Variants in ELP4 observed in about 807,000 individuals in gnomAD.
The protein encoded by ELP4 is elongator acetyltransferase complex subunit 4, also known as elongator complex protein 4.
ELP4 carries 51 observed loss-of-function variants against 48.9 expected under a neutral mutation model. That is an observed-to-expected ratio of 1.04 (90% CI 0.83 to 1.32). ELP4 has a LOEUF of 1.32. Ranked by LOEUF, ELP4 falls within the 40% of genes most tolerant of loss-of-function variation. The pLI, the probability that ELP4 is intolerant of heterozygous loss-of-function variation, is 0.00. For missense variants in ELP4, 519 were observed against 514.6 expected (o/e 1.01, Z -0.08); for synonymous variants, 210 against 189.2 (o/e 1.11, Z -0.90).
intron 9 of ELP4, among the ~76,000 whole-genome samples, chr11:31,695,817 A>G (rs181941885): frequency 0.92 from 100,815 of 109,420 alleles, 47,182 homozygotes; most frequent in Non-Finnish European, 1. Flanking sequence ...TTGGTTGGTA[A>G]GCTATTGATT....
intron 7 of ELP4, among the ~76,000 whole-genome samples, chr11:31,643,118 C>T (rs945652354): frequency 1.3e-5 from 2 of 151,680 alleles, no homozygotes; most frequent in Non-Finnish European, 2.9e-5. Context: ...TACTCCCCTC[C>T]CCGCTCTCTC....
At chr11:31,660,754 G>A (rs138866623) in intron 9 of ELP4, among the ~76,000 whole-genome samples, 55 of 151,728 alleles carry the variant, frequency 3.6e-4, no homozygotes, top group South Asian at 1.5e-3. Context: ...AAAGTAGTTG[G>A]GATTTATACA....
chr11:31,578,942 A>G (rs1429498528), intron 3 of ELP4, among the ~76,000 whole-genome samples: 2 of 152,238 alleles, frequency 1.3e-5, no homozygotes, highest in Non-Finnish European at 2.9e-5. Context: ...GACAAATGGG[A>G]TCTAATTAAA....
At chr11:31,752,251 T>C (rs989058539) in intron 9 of ELP4, among the ~76,000 whole-genome samples, 30 of 151,270 alleles carry the variant, frequency 2.0e-4, no homozygotes, top group Non-Finnish European at 8.8e-5. Flanking sequence ...ATGTACTTGA[T>C]ATAACTTAGC....
intron 3 of ELP4, among the ~76,000 whole-genome samples, chr11:31,575,162 A>T (rs954322474): frequency 6.6e-6 from 1 of 152,236 alleles, no homozygotes; most frequent in Non-Finnish European, 1.5e-5. Flanking sequence ...TCAGTAGCCA[A>T]TTTGATCAAG....
chr11:31,611,252 G>A (rs967657087), intron 5 of ELP4, among the ~76,000 whole-genome samples: 6 of 152,320 alleles, frequency 3.9e-5, no homozygotes, highest in Admixed American at 6.5e-5. Flanking sequence ...CACATGCAGC[G>A]AATGAATACA....
chr11:31,639,962 T>C (rs1384161286), intron 7 of ELP4, among the ~76,000 whole-genome samples: 1 of 151,946 alleles, frequency 6.6e-6, no homozygotes, highest in African/African-American at 2.4e-5. Flanking sequence ...ATCAATGATA[T>C]AAATAGTGAA....
At chr11:31,521,153 G>C (rs1319377258) in intron 2 of ELP4, among the ~76,000 whole-genome samples, 1 of 152,044 alleles carries the variant, frequency 6.6e-6, no homozygotes, top group Admixed American at 6.5e-5. Context: ...AATTTGTCTA[G>C]TAAAGGAAAA....
At chr11:31,668,115 T>A (rs906366966) in intron 9 of ELP4, among the ~76,000 whole-genome samples, 1 of 152,208 alleles carries the variant, frequency 6.6e-6, no homozygotes, top group Non-Finnish European at 1.5e-5. Flanking sequence ...CAGTAGTTGC[T>A]TTATTTGGAA....
At chr11:31,783,273 G>A in intron 9 of ELP4, 120 bp from the exon 10 acceptor site, 1 of 814,282 alleles carries the variant, frequency 1.2e-6, no homozygotes, top group African/African-American at 1.7e-5. Context: ...AATTTTATAT[G>A]CAAGTCTAAA....
Position 31,603,010 on chromosome 11 carries a change from T to A in ELP4, c.514-758T>A, listed in dbSNP as rs1230527202. On this transcript the variant is annotated intron_variant, in intron 4 of 9. Coordinates refer to ENST00000640961, the MANE Select transcript of ELP4 (RefSeq NM_019040.5). ...TAATGTTATGTTAGTAGACTTTTGCTATCCCATATAAATAAATTCAGTGTC... is the reference window on the plus strand; with the variant it reads ...TAATGTTATGTTAGTAGACTTTTGCAATCCCATATAAATAAATTCAGTGTC... 1.3e-5 allele frequency among the ~76,000 whole-genome samples: 2 copies of A among 151,982 alleles called. 1 individual carries two copies. The highest frequency in any genetic ancestry group is 4.1e-4 in the South Asian group (2 of 4,838).
At chr11:31,515,138 G>C (rs1391991392) in intron 1 of ELP4, among the ~76,000 whole-genome samples, 1 of 151,050 alleles carries the variant, frequency 6.6e-6, no homozygotes, top group East Asian at 1.9e-4. Flanking sequence ...GTTTAAATTA[G>C]TTAATGAGTT....
chr11:31,746,744 C>T (rs1007434112), intron 9 of ELP4, among the ~76,000 whole-genome samples: 4 of 151,582 alleles, frequency 2.6e-5, no homozygotes, highest in African/African-American at 9.7e-5. Context: ...GTTGTGGGGT[C>T]GGTGGAGGGG....
At chr11:31,755,223 T>C (rs1328286152) in intron 9 of ELP4, among the ~76,000 whole-genome samples, 1 of 152,204 alleles carries the variant, frequency 6.6e-6, no homozygotes. Context: ...GAGTTCATAC[T>C]ATTGTAATAA....
chr11:31,641,193 T>G (rs1945086759), intron 7 of ELP4, among the ~76,000 whole-genome samples: 1 of 151,972 alleles, frequency 6.6e-6, no homozygotes, highest in African/African-American at 2.4e-5. Flanking sequence ...TCAGATAGGT[T>G]TGGCGCTGTA....
rs1175047033 is a variant in ELP4 at position 31,783,541 on chromosome 11, G to C, written c.*17G>C. On this transcript the variant is annotated 3_prime_UTR_variant, in exon 10 of 10. Coordinates refer to ENST00000640961, the MANE Select transcript of ELP4 (RefSeq NM_019040.5). Reference sequence around the variant, plus strand: ...GACTTCTAGGGATTCCTCCTTAGTCGCTGCATGCAGAATTCTATGACACTC... The same window carrying C: ...GACTTCTAGGGATTCCTCCTTAGTCCCTGCATGCAGAATTCTATGACACTC... 1.2e-6 allele frequency: 2 copies of C among 1,609,960 alleles called. No individual in the cohort carries two copies. Among genetic ancestry groups the C allele is most frequent in the Non-Finnish European group, 1.7e-6 (2 of 1,177,860 alleles).
intron 1 of ELP4, chr11:31,511,166 C>A (rs996638259): frequency 6.6e-5 from 10 of 152,076 alleles, no homozygotes; most frequent in African/African-American, 2.4e-4. Context: ...TTAATTGTTT[C>A]AAATATATTT....
At chr11:31,623,390 T>TAA (rs1554965429) in intron 5 of ELP4, among the ~76,000 whole-genome samples, 3,668 of 92,534 alleles carry the variant, frequency 0.04, 434 homozygotes, top group African/African-American at 0.12. Context: ...TATATATATA[T>TAA]AAAACTAGAA....
At chr11:31,769,907 T>C (rs913089222) in intron 9 of ELP4, among the ~76,000 whole-genome samples, 14 of 152,180 alleles carry the variant, frequency 9.2e-5, no homozygotes, top group African/African-American at 3.1e-4. Flanking sequence ...CTAAAATATA[T>C]TAGTATTCTT....
Sources: allele counts gnomAD v4.1 joint callset (sites outside exome capture counted in the v4.1 genomes callset), GRCh38; gene constraint gnomAD v4.1.1; transcripts MANE v1.5; gene names NCBI Gene and HGNC (gene_info 2026-07-23, HGNC 2026-07-21).